Variants in TTLL8 observed in about 807,000 individuals in gnomAD.
The protein encoded by TTLL8 is protein monoglycylase TTLL8.
A neutral mutation model predicts 77.8 loss-of-function variants in TTLL8; 65 were observed. The ratio of observed to expected loss-of-function variants is 0.84; its 90% confidence interval spans 0.68 to 1.03. The LOEUF (loss-of-function observed/expected upper bound fraction) is 1.03. Ranked by LOEUF, TTLL8 falls within the 50% of genes least tolerant of loss-of-function variation. The pLI is 0.00. For missense variants in TTLL8, 910 were observed against 1,004.5 expected (o/e 0.91, Z 1.27); for synonymous variants, 402 against 422.8 (o/e 0.95, Z 0.60).
Position 50,049,270 on chromosome 22 carries a change from T to TGA in TTLL8, c.242_243insTC (p.Asp82GlnfsTer7). On this transcript the variant is annotated frameshift_variant, in exon 3 of 14. Coordinates refer to ENST00000266182, the Ensembl canonical transcript of TTLL8. LOFTEE classifies it high-confidence loss of function. ...GTACCATCACGTCGTGGATGTTGTC[T>TGA]GTTTTCTCCAAAGCCATTTCTTGAT... 1 of 1,367,742 alleles carries TGA rather than the reference T, an allele frequency of 7.3e-7. No homozygotes were observed. The highest frequency in any genetic ancestry group is 9.8e-7 in the Non-Finnish European group (1 of 1,021,858). The allele number at this position is 1,367,742 out of a possible 1,614,324, so 84.7% of individuals were successfully genotyped here. A position where few individuals can be genotyped will look rare whatever the true frequency, so the allele number is the denominator to read the frequency against.
chr22:50,020,116 C>T (rs2061185915), intron 12 of TTLL8, among the ~76,000 whole-genome samples: 1 of 152,214 alleles, frequency 6.6e-6, no homozygotes, highest in South Asian at 2.1e-4. Context: ...TCTGGCCCAA[C>T]TCATGATACT....
intron 10 of TTLL8, among the ~76,000 whole-genome samples, chr22:50,032,887 C>T (rs1049536429): frequency 2.0e-5 from 3 of 152,240 alleles, no homozygotes; most frequent in Non-Finnish European, 2.9e-5. Context: ...GCCTCCCCTG[C>T]GCCAGGGCCC....
At position 50,033,459 on chromosome 22, in the gene TTLL8, C is replaced by T. The variant is rs1199722586; in HGVS notation, c.1040-14G>A. 1 of 1,354,290 alleles carries T rather than the reference C, an allele frequency of 7.4e-7. No individual in the cohort carries two copies. The highest frequency in any genetic ancestry group is 1.5e-5 in the African/African-American group (1 of 67,784). The allele number at this position is 1,354,290 out of a possible 1,614,324, so 83.9% of individuals were successfully genotyped here. ...TGCACACTATGTCTGCAAGAGGCCACCGCTCAACCCAGCATGCACAGCCAC... is the reference window on the plus strand; with the variant it reads ...TGCACACTATGTCTGCAAGAGGCCATCGCTCAACCCAGCATGCACAGCCAC... On this transcript the variant is annotated splice_polypyrimidine_tract_variant and intron_variant, in intron 9 of 13. Coordinates refer to ENST00000266182, the Ensembl canonical transcript of TTLL8.
At chr22:50,043,043 C>T (rs1307762453) in intron 6 of TTLL8, among the ~76,000 whole-genome samples, 2 of 152,196 alleles carry the variant, frequency 1.3e-5, no homozygotes, top group South Asian at 2.1e-4. Context: ...ACACAGATGT[C>T]GACAGAAACG....
Position 50,029,866 on chromosome 22 carries a change from C to G in TTLL8, c.2203+564G>C, listed in dbSNP as rs934069868. ...GGCTGATGCTGCCCTGCTGGTCAGC[C>G]GCGCCCCTGCCCCACGTCCTTCTCC... On this transcript the variant is annotated intron_variant, in intron 12 of 13. Transcript: ENST00000266182. Among the ~76,000 whole-genome samples, 6 of 152,190 alleles carry G rather than the reference C, an allele frequency of 3.9e-5. No homozygotes were observed. In the East Asian group the frequency reaches 9.7e-4, roughly 24 times the overall value.
chr22:50,030,618 G>A, exon 12 of TTLL8: 1 of 1,294,336 alleles, frequency 7.7e-7, no homozygotes, highest in Non-Finnish European at 1.0e-6. Flanking sequence ...CACCTTCCCA[G>A]CAGCTTTGGT....
chr22:50,041,450 A>T lies in TTLL8; in HGVS notation c.830+171T>A. The T allele has an allele frequency of 1.1e-6, 1 of 918,396 alleles. No homozygotes were observed. Among genetic ancestry groups the T allele is most frequent in the Non-Finnish European group, 1.3e-6 (1 of 768,968 alleles). The allele number at this position is 918,396 out of a possible 1,614,324, so 56.9% of individuals were successfully genotyped here. ...CCACAATACTCAACAAGCATCCCAGACATCCAGACAGGAGCCCCAACGCCA... is the reference window on the plus strand; with the variant it reads ...CCACAATACTCAACAAGCATCCCAGTCATCCAGACAGGAGCCCCAACGCCA... On this transcript the variant is annotated intron_variant, in intron 7 of 13. Transcript: ENST00000266182. This position sits in a 1 kb window ranked among gnomAD's most constrained non-coding sequence, Gnocchi z 4.3.
chr22:50,056,026 T>C (rs1168931893), upstream of TTLL8, among the ~76,000 whole-genome samples: 1 of 152,052 alleles, frequency 6.6e-6, no homozygotes, highest in Non-Finnish European at 1.5e-5. This position sits in a 1 kb window ranked among gnomAD's most constrained non-coding sequence, Gnocchi z 4.1. Flanking sequence ...AAAACCAAGA[T>C]GATGATGAGA....
chr22:50,047,912 A>G (rs1222392192), intron 3 of TTLL8, among the ~76,000 whole-genome samples: 1 of 152,170 alleles, frequency 6.6e-6, no homozygotes, highest in East Asian at 1.9e-4. Flanking sequence ...AGCCTGACCA[A>G]CATGGTGAAA....
chr22:50,031,411 T>C (rs147505483), intron 11 of TTLL8, among the ~76,000 whole-genome samples: 1 of 152,298 alleles, frequency 6.6e-6, no homozygotes, highest in East Asian at 1.9e-4. Context: ...GGAGGAAAGC[T>C]GGACAGAGGC....
rs1423972344 is a variant in TTLL8, at chr22:50,034,062, A to T, written c.1039+283T>A. Among the ~76,000 whole-genome samples, 2 of 152,218 alleles carry T rather than the reference A, an allele frequency of 1.3e-5. No homozygotes were observed. Among genetic ancestry groups the T allele is most frequent in the African/African-American group, 4.8e-5 (2 of 41,462 alleles). ...AAACTAAAAATAAAATAATAAAAAT[A>T]AAAAACTAAAAAGGAAAGCATAGAC... On this transcript the variant is annotated intron_variant, in intron 9 of 13. Transcript: ENST00000266182. The surrounding 1 kb of genome is among the most constrained non-coding windows in gnomAD (Gnocchi z 4.1).
Position 50,034,534 on chromosome 22 carries a change from A to G in TTLL8, c.922-72T>C, listed in dbSNP as rs1406392656. 1.2e-5 allele frequency: 16 copies of G among 1,302,930 alleles called. No homozygotes were observed. Among genetic ancestry groups the G allele is most frequent in the Non-Finnish European group, 1.5e-5 (15 of 989,666 alleles). The allele number at this position is 1,302,930 out of a possible 1,614,324, so 80.7% of individuals were successfully genotyped here. ...CAAAGCAAGATCCAGAAAGTGCATG[A>G]GACTTGGAGGCCTGGGCCCCGCCTC... On this transcript the variant is annotated intron_variant, in intron 8 of 13. Coordinates refer to ENST00000266182, the Ensembl canonical transcript of TTLL8. This position sits in a 1 kb window ranked among gnomAD's most constrained non-coding sequence, Gnocchi z 4.1.
chr22:50,036,984 C>T (rs2061341175), intron 8 of TTLL8, among the ~76,000 whole-genome samples: 1 of 152,194 alleles, frequency 6.6e-6, no homozygotes, highest in Non-Finnish European at 1.5e-5. Context: ...TTGGCAGTTT[C>T]CAGATTTGGG....
intron 3 of TTLL8, 70 bp downstream of exon 5, chr22:50,049,179 C>T (rs1569233489): frequency 2.2e-6 from 3 of 1,361,328 alleles, no homozygotes; most frequent in Middle Eastern, 2.5e-4. Flanking sequence ...AGAGTGGGCA[C>T]GGAGCAGGGC....
chr22:50,057,032 T>C (rs2061474386), upstream of TTLL8: 2 of 1,208,276 alleles, frequency 1.7e-6, no homozygotes, highest in African/African-American at 1.6e-5. Flanking sequence ...GCTCTGGGGA[T>C]GGAGAGGGTT....
At chr22:50,049,114 C>T in intron 3 of TTLL8, 135 bp downstream of exon 5, 1 of 1,291,132 alleles carries the variant, frequency 7.7e-7, no homozygotes, top group Non-Finnish European at 1.0e-6. Context: ...GTCAAGGGGC[C>T]CTGCTGTGAC....
At chr22:50,027,874 G>T in intron 12 of TTLL8, 1 of 912,666 alleles carries the variant, frequency 1.1e-6, no homozygotes, top group Non-Finnish European at 1.3e-6. Flanking sequence ...TCGAGGGCCT[G>T]ACCGCGAAAC....
At position 50,041,747 on chromosome 22, in the gene TTLL8, CA is replaced by C; in HGVS notation, c.703del (p.Cys235AlafsTer34). ...CCCCAGGTAGGCCTGGCACACCTTG[CA>C]CGCGATGTCCACAAGCTGCCCCGGG... On this transcript the variant is annotated frameshift_variant, in exon 7 of 14. Coordinates refer to ENST00000266182, the Ensembl canonical transcript of TTLL8. LOFTEE classifies it high-confidence loss of function. The surrounding 1 kb of genome is among the most constrained non-coding windows in gnomAD (Gnocchi z 4.3). 1 of 1,365,428 alleles carries C rather than the reference CA, an allele frequency of 7.3e-7. No homozygotes were observed. Among genetic ancestry groups the C allele is most frequent in the Non-Finnish European group, 9.8e-7 (1 of 1,021,042 alleles). The allele number at this position is 1,365,428 out of a possible 1,614,324, so 84.6% of individuals were successfully genotyped here. A position where few individuals can be genotyped will look rare whatever the true frequency, so the allele number is the denominator to read the frequency against.
At chr22:50,024,069 A>G (rs1255836977) in intron 12 of TTLL8, among the ~76,000 whole-genome samples, 1 of 152,254 alleles carries the variant, frequency 6.6e-6, no homozygotes, top group Non-Finnish European at 1.5e-5. Flanking sequence ...TTCAAATGAC[A>G]TAGAGTAGCC....
Sources: allele counts gnomAD v4.1 joint callset (sites outside exome capture counted in the v4.1 genomes callset), GRCh38; gene constraint gnomAD v4.1.1; non-coding constraint Gnocchi (gnomAD v3.1); transcripts MANE v1.5; gene names NCBI Gene and HGNC (gene_info 2026-07-23, HGNC 2026-07-21).